The following TTLL7 variants were observed in gnomAD, a reference collection of about 807,000 sequenced individuals.
TTLL7 encodes the protein tubulin polyglutamylase TTLL7.
In TTLL7, 53 loss-of-function variants were observed where a neutral mutation model predicts 120.2. That is an observed-to-expected ratio of 0.44 (90% CI 0.35 to 0.55). The LOEUF (loss-of-function observed/expected upper bound fraction) is 0.55, where lower values mean the gene tolerates loss of function less well. Among genes scored for constraint, TTLL7 ranks in the 20% least tolerant of loss-of-function variants. The pLI is 0.00. For missense variants in TTLL7, 803 were observed against 1,054.7 expected, an observed-to-expected ratio of 0.76 and a Z score of 3.31; for synonymous variants, 353 against 351.7, an observed-to-expected ratio of 1.00 and a Z score of -0.04.
At chr1:83,924,659 C>G (rs1158371399) in intron 10 of TTLL7, among the ~76,000 whole-genome samples, 1 of 152,076 alleles carries the variant, frequency 6.6e-6, no homozygotes, top group African/African-American at 2.4e-5. Flanking sequence ...GATAGTTGCA[C>G]AACAATGTGA....
At chr1:83,882,753 C>T in intron 20 of TTLL7, 1 of 468,684 alleles carries the variant, frequency 2.1e-6, no homozygotes, top group African/African-American at 2.0e-5. Flanking sequence ...TGTTTTATCA[C>T]CTTTAGGTTC....
chr1:83,892,437 T>C (rs560983144), intron 18 of TTLL7, among the ~76,000 whole-genome samples: 24 of 134,934 alleles, frequency 1.8e-4, no homozygotes, highest in African/African-American at 5.7e-4. Context: ...AACATATATA[T>C]GAACATATGA....
chr1:83,914,325 T>A (rs1036053137), intron 14 of TTLL7, among the ~76,000 whole-genome samples: 1 of 59,376 alleles, frequency 1.7e-5, no homozygotes. Flanking sequence ...CTCTCTCTCT[T>A]TTTTTTTTTT....
At chr1:83,915,354 T>C (rs1658053016) in intron 14 of TTLL7, among the ~76,000 whole-genome samples, 1 of 152,186 alleles carries the variant, frequency 6.6e-6, no homozygotes, top group Admixed American at 6.5e-5. Flanking sequence ...TACAACTATC[T>C]GATCTTTGAC....
intron 1 of TTLL7, among the ~76,000 whole-genome samples, chr1:83,970,335 T>C (rs1448662607): frequency 1.3e-5 from 2 of 152,064 alleles, no homozygotes; most frequent in African/African-American, 4.8e-5. Context: ...TGAAAATAGC[T>C]AGCAGTGAAG....
intron 18 of TTLL7, among the ~76,000 whole-genome samples, chr1:83,893,920 G>C (rs80190071): frequency 0.041 from 6,256 of 152,070 alleles, 153 homozygotes; most frequent in Middle Eastern, 0.099. Context: ...TCATGAAAAG[G>C]CTCATTACAG....
At chr1:83,899,326 C>T (rs1324470792) in intron 18 of TTLL7, among the ~76,000 whole-genome samples, 1 of 151,772 alleles carries the variant, frequency 6.6e-6, no homozygotes, top group Non-Finnish European at 1.5e-5. Context: ...AGAAAAGGAG[C>T]CCCAATAATC....
chr1:83,913,517 C>T (rs1657849477), intron 14 of TTLL7, among the ~76,000 whole-genome samples: 1 of 152,148 alleles, frequency 6.6e-6, no homozygotes, highest in Non-Finnish European at 1.5e-5. Flanking sequence ...CCAGTAAAGA[C>T]ACTGGAAATC....
At chr1:83,945,331 C>T (rs1030063643) in intron 6 of TTLL7, among the ~76,000 whole-genome samples, 1 of 152,064 alleles carries the variant, frequency 6.6e-6, no homozygotes, top group African/African-American at 2.4e-5. Flanking sequence ...AAAACAGTAA[C>T]CTGGAGTGGC....
At chr1:83,947,483 G>GT in intron 5 of TTLL7, 3 of 427,896 alleles carry the variant, frequency 7.0e-6, no homozygotes, top group Non-Finnish European at 8.0e-6. Context: ...GGATTCATCA[G>GT]TGAAAAAAAA....
At chr1:83,918,980 C>T (rs1338744138) in intron 13 of TTLL7, among the ~76,000 whole-genome samples, 1 of 152,020 alleles carries the variant, frequency 6.6e-6, no homozygotes, top group Non-Finnish European at 1.5e-5. Flanking sequence ...GACTACCCTG[C>T]TGAGAGACTG....
intron 1 of TTLL7, among the ~76,000 whole-genome samples, chr1:83,961,357 C>T (rs1571318885): frequency 1.3e-5 from 2 of 151,994 alleles, no homozygotes; most frequent in East Asian, 3.9e-4. Flanking sequence ...AAGAATTATG[C>T]AAAGTTGGGA....
chr1:83,990,767 C>T (rs1167411584), intron 1 of TTLL7, among the ~76,000 whole-genome samples: 1 of 152,168 alleles, frequency 6.6e-6, no homozygotes, highest in African/African-American at 2.4e-5. Context: ...AATGGTGCAA[C>T]TCCTATGGAA....
At chr1:83,987,007 TA>T (rs1215328144) in intron 1 of TTLL7, among the ~76,000 whole-genome samples, 1 of 151,760 alleles carries the variant, frequency 6.6e-6, no homozygotes, top group Non-Finnish European at 1.5e-5. Context: ...TGTCTACATT[TA>T]AAAAAAACCC....
chr1:83,952,004 A>G, intron 2 of TTLL7, 28 bp from the exon 3 acceptor site: 12 of 1,592,684 alleles, frequency 7.5e-6, no homozygotes, highest in Non-Finnish European at 9.4e-6. Flanking sequence ...ATAATCAGAT[A>G]ACACTGAAAA....
At chr1:83,907,800 A>G (rs1356219260) in intron 15 of TTLL7, 139 bp from the exon 16 acceptor site, 2 of 746,342 alleles carry the variant, frequency 2.7e-6, no homozygotes, top group African/African-American at 1.8e-5. Context: ...CATCATCATG[A>G]GAATATGAGT....
intron 19 of TTLL7, among the ~76,000 whole-genome samples, chr1:83,888,972 C>G (rs1221132046): frequency 6.6e-6 from 1 of 151,952 alleles, no homozygotes; most frequent in Admixed American, 6.6e-5. Flanking sequence ...CTCTCTTTGT[C>G]TAAAATCCTG....
chr1:83,977,849 G>C (rs1432957111), intron 1 of TTLL7, among the ~76,000 whole-genome samples: 1 of 152,118 alleles, frequency 6.6e-6, no homozygotes, highest in Non-Finnish European at 1.5e-5. Flanking sequence ...CGACAATGTA[G>C]GTATGGTTTT....
rs1246789021 is a variant in TTLL7 at position 83,892,955 on chromosome 1, G to GAAAGAAAGA, written c.2209-2475_2209-2474insTCTTTCTTT. ...GAAAGAAAGAAAGAAAGAAAGAAAA[G>GAAAGAAAGA]AATAAAAGAAAGAAAGAGAAAAAAG... On this transcript the variant is annotated intron_variant, in intron 18 of 20. Coordinates refer to ENST00000260505, the MANE Select transcript of TTLL7 (RefSeq NM_024686.6). Among the ~76,000 whole-genome samples the GAAAGAAAGA allele has an allele frequency of 7.6e-4, 60 of 79,004 alleles. 2 individuals carry two copies. The highest frequency in any genetic ancestry group is 2.4e-3 in the African/African-American group (56 of 23,770). The allele number at this position is 79,004 out of a possible 152,430, so 51.8% of individuals were successfully genotyped here.
Sources: allele counts gnomAD v4.1 joint callset (sites outside exome capture counted in the v4.1 genomes callset), GRCh38; gene constraint gnomAD v4.1.1; transcripts MANE v1.5; gene names NCBI Gene and HGNC (gene_info 2026-07-23, HGNC 2026-07-21).